TAF1: variants seen among roughly 807,000 people sequenced by gnomAD.
The protein encoded by TAF1 is transcription initiation factor TFIID subunit 1.
Under a neutral mutation model 138.5 loss-of-function variants are expected in TAF1, and 2 were observed. The observed-to-expected ratio is 0.01, with a 90% CI of 0.01 to 0.05. The LOEUF (loss-of-function observed/expected upper bound fraction) is 0.05. Among genes scored for constraint, TAF1 ranks in the 10% least tolerant of loss-of-function variants. The pLI is 1.00. For missense variants in TAF1, 709 were observed against 1,478.0 expected, an observed-to-expected ratio of 0.48 and a Z score of 8.53; for synonymous variants, 437 against 503.2, an observed-to-expected ratio of 0.87 and a Z score of 1.76.
intron 13 of TAF1, among the ~76,000 whole-genome samples, chrX:71,475,412 C>T (rs922966868): frequency 4.6e-5 from 5 of 108,642 alleles, no homozygotes; most frequent in African/African-American, 1.7e-4. Flanking sequence ...GGTGAAACTC[C>T]GTCTCTACTA....
chrX:71,366,516 T>A (rs1321025115), intron 1 of TAF1, 22 bp downstream of exon 1: 2 of 305,165 alleles, frequency 6.6e-6, no homozygotes, highest in Admixed American at 1.7e-4. Flanking sequence ...GGCGTGGGGG[T>A]AGGGCTCGGG....
intron 28 of TAF1, among the ~76,000 whole-genome samples, chrX:71,416,420 CA>C (rs1181819585): frequency 2.8e-5 from 3 of 107,966 alleles, no homozygotes; most frequent in African/African-American, 1.0e-4. Flanking sequence ...ACGTGGCTTT[CA>C]GAGTATGCTT....
At chrX:71,512,355 C>T (rs751522862) in intron 13 of TAF1, among the ~76,000 whole-genome samples, 1 of 111,806 alleles carries the variant, frequency 8.9e-6, no homozygotes, top group Admixed American at 9.5e-5. Context: ...TCTTCTGATC[C>T]AGATGCCTCA....
intron 28 of TAF1, among the ~76,000 whole-genome samples, chrX:71,417,137 T>G (rs1008401714): frequency 3.6e-5 from 4 of 110,448 alleles, no homozygotes; most frequent in Non-Finnish European, 7.6e-5. Context: ...ATGAATGAAT[T>G]AATCCATTCA....
intron 37 of TAF1, among the ~76,000 whole-genome samples, chrX:71,462,754 A>C (rs993009437): frequency 9.0e-6 from 1 of 111,455 alleles, no homozygotes; most frequent in Non-Finnish European, 1.9e-5. Flanking sequence ...CGATTGATAG[A>C]AATGGGGTGG....
intron 37 of TAF1, chrX:71,461,062 A>G (rs2038531654): frequency 2.9e-6 from 1 of 345,611 alleles, no homozygotes; most frequent in Non-Finnish European, 5.1e-6. Flanking sequence ...AAGTAAGACA[A>G]AGTGCCAAAG....
intron 32 of TAF1, among the ~76,000 whole-genome samples, chrX:71,433,779 CAAG>C (rs987649686): frequency 2.8e-4 from 31 of 108,935 alleles, no homozygotes; most frequent in Admixed American, 7.0e-4. Flanking sequence ...TTTTTCTCCC[CAAG>C]AAGAAGTAAA....
intron 34 of TAF1, 96 bp from the exon 35 acceptor site, chrX:71,458,145 A>G (rs2038388101): frequency 9.4e-7 from 1 of 1,059,268 alleles, no homozygotes; most frequent in South Asian, 2.2e-5. Context: ...ATTGCTCTGC[A>G]TGATCTTTTT....
intron 32 of TAF1, among the ~76,000 whole-genome samples, chrX:71,447,654 G>A (rs181504425): frequency 1.9e-5 from 2 of 106,312 alleles, no homozygotes; most frequent in South Asian, 8.5e-4. Flanking sequence ...CAGAGATCGC[G>A]CCACTGTACT....
chrX:71,508,086 C>CTCTATATATATATA (rs4040068), intron 13 of TAF1, among the ~76,000 whole-genome samples: 2 of 92,193 alleles, frequency 2.2e-5, no homozygotes, highest in African/African-American at 4.3e-5. Flanking sequence ...CTCTCTCTCT[C>CTCTATATATATATA]TATATATATA....
Position 71,367,817 on chromosome X carries a change from C to T in TAF1, c.235+204C>T, listed in dbSNP as rs28382151. ...TCCTGAGTAGCTGGGACTACAGGCACGCACCACCACGCCCGGCTAATTTTT... is the reference window on the plus strand; with the variant it reads ...TCCTGAGTAGCTGGGACTACAGGCATGCACCACCACGCCCGGCTAATTTTT... On this transcript the variant is annotated intron_variant, in intron 2 of 37. Transcript: ENST00000423759. Among the ~76,000 whole-genome samples the T allele has an allele frequency of 6.0e-3, 665 of 111,458 alleles. 5 individuals carry two copies. Among genetic ancestry groups the T allele is most frequent in the African/African-American group, 0.021 (645 of 30,626 alleles).
At chrX:71,383,321 G>C (rs972526351) in intron 12 of TAF1, among the ~76,000 whole-genome samples, 157 bp downstream of exon 12, 1 of 112,168 alleles carries the variant, frequency 8.9e-6, no homozygotes, top group African/African-American at 3.2e-5. Context: ...TTATTGTTAG[G>C]TGATGCATGT....
In TAF1 at chrX:71,459,781, T is replaced by C; in HGVS notation, c.5221+73T>C. On this transcript the variant is annotated intron_variant, in intron 36 of 37. Coordinates refer to ENST00000423759, the MANE Select transcript of TAF1 (RefSeq NM_004606.5). Reference sequence around the variant, plus strand: ...CCTCAGAACTGGACTGGATAGGCGCTCTTGGCCACATATGCTTTTATTGGA... The same window carrying C: ...CCTCAGAACTGGACTGGATAGGCGCCCTTGGCCACATATGCTTTTATTGGA... The C allele has an allele frequency of 2.6e-6, 3 of 1,167,922 alleles. No homozygotes were observed. The Admixed American group carries it at 7.8e-5, about 30-fold the overall frequency.
chrX:71,418,080 C>T (rs967987015), intron 28 of TAF1, among the ~76,000 whole-genome samples: 1 of 111,401 alleles, frequency 9.0e-6, no homozygotes, highest in Non-Finnish European at 1.9e-5. Context: ...TTGACTAGAC[C>T]AGCAACTATC....
chrX:71,495,735 G>A (rs1345537997), intron 13 of TAF1, among the ~76,000 whole-genome samples: 1 of 111,636 alleles, frequency 9.0e-6, no homozygotes, highest in East Asian at 2.8e-4. Flanking sequence ...AGTAGATAAT[G>A]AAGTACAGCT....
chrX:71,400,225 GA>G (rs2035107099), intron 24 of TAF1, among the ~76,000 whole-genome samples: 1 of 110,454 alleles, frequency 9.1e-6, no homozygotes, highest in Non-Finnish European at 1.9e-5. Flanking sequence ...GAGTAGCTGG[GA>G]TTACAGGCGT....
chrX:71,437,813 T>C (rs764415488), intron 32 of TAF1, among the ~76,000 whole-genome samples: 3 of 107,925 alleles, frequency 2.8e-5, no homozygotes, highest in East Asian at 5.9e-4. Context: ...ATATACATAA[T>C]ATAAAAATTT....
chrX:71,386,241 T>C (rs2034218465), intron 14 of TAF1, among the ~76,000 whole-genome samples: 1 of 111,671 alleles, frequency 9.0e-6, no homozygotes, highest in African/African-American at 3.3e-5. Context: ...GAATTTTCTT[T>C]CCACACTCAG....
intron 14 of TAF1, chrX:71,529,534 A>G (rs2040064967): frequency 1.3e-5 from 3 of 226,190 alleles, no homozygotes; most frequent in South Asian, 1.1e-4. Context: ...CCATGGGAGA[A>G]CTGTCCAGAC....
Sources: gnomAD v4.1 joint callset for allele counts (sites outside exome capture counted in the v4.1 genomes callset) on GRCh38, gnomAD v4.1.1 for gene constraint, MANE v1.5 for transcripts, NCBI Gene and HGNC (gene_info 2026-07-23, HGNC 2026-07-21) for gene names.